The following PDE4D variants were observed in gnomAD, a reference collection of about 807,000 sequenced individuals.
The protein encoded by PDE4D is 3',5'-cyclic-AMP phosphodiesterase 4D.
In PDE4D, 24 loss-of-function variants were observed where a neutral mutation model predicts 87.4. The ratio of observed to expected loss-of-function variants is 0.27; its 90% CI spans 0.20 to 0.39. PDE4D has a LOEUF of 0.39. Ranked by LOEUF, PDE4D falls within the 10% of genes least tolerant of loss-of-function variation. The pLI is 1.00. For missense variants in PDE4D, 714 were observed against 1,041.0 expected (o/e 0.69, Z 4.32); for synonymous variants, 384 against 383.2 (o/e 1.00, Z -0.02).
At chr5:59,935,003 G>A (rs1581804035) in intron 3 of PDE4D, among the ~76,000 whole-genome samples, 1 of 152,124 alleles carries the variant, frequency 6.6e-6, no homozygotes, top group Non-Finnish European at 1.5e-5. Context: ...TTTTGATAAA[G>A]GGAACAATAT....
chr5:60,199,851 T>C (rs575615403), intron 1 of PDE4D, among the ~76,000 whole-genome samples: 6 of 151,722 alleles, frequency 4.0e-5, no homozygotes, highest in Non-Finnish European at 8.8e-5. Flanking sequence ...TCATAAATAT[T>C]ACTAAGGAAA....
intron 1 of PDE4D, among the ~76,000 whole-genome samples, chr5:59,220,105 A>C (rs1343667999): frequency 6.6e-6 from 1 of 152,192 alleles, no homozygotes; most frequent in African/African-American, 2.4e-5. Context: ...CTTGTTATAA[A>C]GACTTACGTG....
chr5:59,693,337 T>A (rs1241348421), intron 1 of PDE4D, among the ~76,000 whole-genome samples: 1 of 152,038 alleles, frequency 6.6e-6, no homozygotes, highest in Non-Finnish European at 1.5e-5. Flanking sequence ...ATAGTCAACA[T>A]GAAAAGTCTT....
intron 2 of PDE4D, among the ~76,000 whole-genome samples, chr5:60,106,270 C>CATA (rs1776903348): frequency 6.6e-6 from 1 of 151,806 alleles, no homozygotes; most frequent in Non-Finnish European, 1.5e-5. Context: ...AAGGCCATTA[C>CATA]ATAATGGTAA....
rs560024810 is a variant in PDE4D at position 60,343,338 on chromosome 5, C to T, written c.-90+144604G>A. On this transcript the variant is annotated intron_variant, in intron 1 of 16. Transcript: ENST00000502484. Reference sequence around the variant, plus strand: ...GCTGAAATGACTAGCAACCTGACCACAGCAGGGCCCGGAAAAGGGCTGTAA... The same window carrying T: ...GCTGAAATGACTAGCAACCTGACCATAGCAGGGCCCGGAAAAGGGCTGTAA... Among the ~76,000 whole-genome samples, 4 of 152,260 alleles carry T rather than the reference C, an allele frequency of 2.6e-5. No individual in the cohort carries two copies. In the East Asian group the frequency reaches 7.7e-4, roughly 29 times the overall value.
At chr5:60,140,132 A>G (rs1443426743) in intron 2 of PDE4D, among the ~76,000 whole-genome samples, 1 of 152,020 alleles carries the variant, frequency 6.6e-6, no homozygotes, top group Non-Finnish European at 1.5e-5. Flanking sequence ...GAATTTTTTA[A>G]TCATTTCTTG....
intron 6 of PDE4D, among the ~76,000 whole-genome samples, chr5:59,034,427 A>G (rs763511058): frequency 2.0e-5 from 3 of 152,196 alleles, no homozygotes; most frequent in African/African-American, 7.2e-5. Context: ...TAACATTTAT[A>G]TCTGTTGAGT....
intron 2 of PDE4D, among the ~76,000 whole-genome samples, chr5:59,991,463 A>G (rs1762998577): frequency 6.6e-6 from 1 of 152,134 alleles, no homozygotes; most frequent in African/African-American, 2.4e-5. Flanking sequence ...TATCTTTTCC[A>G]TCATCTCCTT....
chr5:59,522,683 C>T (rs995297007), intron 1 of PDE4D, among the ~76,000 whole-genome samples: 1 of 152,090 alleles, frequency 6.6e-6, no homozygotes, highest in African/African-American at 2.4e-5. Flanking sequence ...AGTAAAATTG[C>T]CTATGCCATT....
At chr5:59,530,077 T>A (rs1374757828) in intron 1 of PDE4D, among the ~76,000 whole-genome samples, 1 of 152,242 alleles carries the variant, frequency 6.6e-6, no homozygotes, top group Non-Finnish European at 1.5e-5. Flanking sequence ...GTGATATTCA[T>A]ACTGCTGGTT....
At chr5:60,340,612 A>T (rs1583469049) in intron 1 of PDE4D, among the ~76,000 whole-genome samples, 1 of 100,660 alleles carries the variant, frequency 9.9e-6, no homozygotes, top group South Asian at 5.1e-4. Flanking sequence ...TCATTTAAAA[A>T]AAAAAAAAAA....
At position 59,028,438 on chromosome 5, in the gene PDE4D, T is replaced by C. The variant is rs1756636462; in HGVS notation, c.921+10421A>G. Among the ~76,000 whole-genome samples, 4 of 150,282 alleles carry C rather than the reference T, an allele frequency of 2.7e-5. No homozygotes were observed. In the South Asian group the frequency reaches 8.6e-4, roughly 32 times the overall value. On this transcript the variant is annotated intron_variant, in intron 6 of 14. Coordinates refer to ENST00000340635, the MANE Select transcript of PDE4D (RefSeq NM_001104631.2). ...TAAAATAAAAACTAATGTTATTCCT[T>C]CACATATGGAAATGAATGAGTTCTA... is the stretch of plus-strand genomic sequence containing the variant.
intron 1 of PDE4D, among the ~76,000 whole-genome samples, chr5:60,417,385 A>G (rs1445746226): frequency 6.6e-6 from 1 of 152,206 alleles, no homozygotes; most frequent in Non-Finnish European, 1.5e-5. Flanking sequence ...AGACTTCTGC[A>G]TATCTTTGTT....
chr5:60,390,728 A>T (rs886071718), intron 1 of PDE4D, among the ~76,000 whole-genome samples: 4 of 151,846 alleles, frequency 2.6e-5, no homozygotes, highest in African/African-American at 7.3e-5. Context: ...AGCTACTATT[A>T]AAAAAATCAA....
intron 3 of PDE4D, among the ~76,000 whole-genome samples, chr5:59,958,798 A>G (rs1444948298): frequency 6.6e-6 from 1 of 152,144 alleles, no homozygotes; most frequent in Non-Finnish European, 1.5e-5. Context: ...AAGGATGCCC[A>G]TTCCTACCAT....
chr5:59,581,089 G>C (rs1454285330), intron 1 of PDE4D, among the ~76,000 whole-genome samples: 1 of 152,120 alleles, frequency 6.6e-6, no homozygotes, highest in Non-Finnish European at 1.5e-5. Context: ...GTTATAAGCA[G>C]TTGCAGCAGT....
chr5:59,250,079 A>C (rs1759624124), intron 1 of PDE4D, among the ~76,000 whole-genome samples: 1 of 152,020 alleles, frequency 6.6e-6, no homozygotes, highest in Non-Finnish European at 1.5e-5. Flanking sequence ...CTAGGCTTCA[A>C]GCAGTCCTCT....
At chr5:59,341,639 C>T (rs1582057726) in intron 1 of PDE4D, among the ~76,000 whole-genome samples, 1 of 152,104 alleles carries the variant, frequency 6.6e-6, no homozygotes, top group East Asian at 1.9e-4. Context: ...TGCAAACACA[C>T]ACATAATATA....
Position 59,854,206 on chromosome 5 carries a change from T to A in PDE4D, c.455+38962A>T, listed in dbSNP as rs115999133. Among the ~76,000 whole-genome samples the A allele has an allele frequency of 6.3e-3, 958 of 152,224 alleles. 1 individual carries two copies. The highest frequency in any genetic ancestry group is 0.01 in the Non-Finnish European group (710 of 67,968). ...TCATTTTTAGAGAAATCTGATAGAC[T>A]GGAGATGGCATCTTGGTTGTTTTCA... On this transcript the variant is annotated intron_variant, in intron 1 of 14. Coordinates refer to ENST00000340635, the MANE Select transcript of PDE4D (RefSeq NM_001104631.2).
Sources: allele counts gnomAD v4.1 joint callset (sites outside exome capture counted in the v4.1 genomes callset), GRCh38; gene constraint gnomAD v4.1.1; transcripts MANE v1.5; gene names NCBI Gene and HGNC (gene_info 2026-07-23, HGNC 2026-07-21).